The following LACTB2 variants were observed in gnomAD, a reference collection of about 807,000 sequenced individuals.
The protein encoded by LACTB2 is endoribonuclease LACTB2.
Under a neutral mutation model 34.8 loss-of-function variants are expected in LACTB2, and 32 were observed. That is an observed-to-expected ratio of 0.92 (90% CI 0.69 to 1.24). LACTB2 has a LOEUF of 1.24. LACTB2 is among the 50% of genes most tolerant of loss of function. LACTB2 has a pLI of 0.00. For synonymous variants in LACTB2, 120 were observed against 117.5 expected (o/e 1.02, Z -0.14); for missense variants, 320 against 345.0 (o/e 0.93, Z 0.57).
At chr8:70,660,241 A>G (rs1488363364) in intron 2 of LACTB2, 1 of 258,798 alleles carries the variant, frequency 3.9e-6, no homozygotes. Context: ...AGCACACACC[A>G]CCGTCCCTGG....
chr8:70,644,549 G>GC (rs1314917667), intron 3 of LACTB2, among the ~76,000 whole-genome samples: 1 of 152,130 alleles, frequency 6.6e-6, no homozygotes, highest in African/African-American at 2.4e-5. Flanking sequence ...ACAGGTCACT[G>GC]CAGGCTCAAT....
chr8:70,659,205 T>C (rs1310980233), intron 2 of LACTB2, among the ~76,000 whole-genome samples: 1 of 152,012 alleles, frequency 6.6e-6, no homozygotes, highest in East Asian at 1.9e-4. Context: ...ATTTAAACTT[T>C]ACCACGTGTA....
chr8:70,660,351 T>C, intron 2 of LACTB2: 1 of 304,704 alleles, frequency 3.3e-6, no homozygotes, highest in Non-Finnish European at 6.4e-6. Flanking sequence ...AAAGTCAGAC[T>C]GACAGATTAT....
intron 1 of LACTB2, among the ~76,000 whole-genome samples, chr8:70,665,028 T>C (rs1031559750): frequency 1.3e-5 from 2 of 152,162 alleles, no homozygotes; most frequent in Admixed American, 6.5e-5. Context: ...AGCTATACAT[T>C]TGAAAAAACT....
intron 3 of LACTB2, among the ~76,000 whole-genome samples, chr8:70,648,855 A>C (rs894638517): frequency 1.3e-5 from 2 of 152,114 alleles, no homozygotes; most frequent in Admixed American, 1.3e-4. Context: ...GGATCCTTTG[A>C]TGAGGCAGTG....
intron 2 of LACTB2, 81 bp downstream of exon 2, chr8:70,661,653 A>C (rs1818481859): frequency 8.1e-7 from 1 of 1,237,630 alleles, no homozygotes; most frequent in Non-Finnish European, 1.1e-6. Flanking sequence ...TGGTTTATAG[A>C]CTACTTAGCT....
intron 1 of LACTB2, among the ~76,000 whole-genome samples, chr8:70,667,204 A>T (rs1206583203): frequency 7.9e-5 from 12 of 152,348 alleles, no homozygotes; most frequent in Non-Finnish European, 1.3e-4. Flanking sequence ...TTGGCAAATT[A>T]AGGAGGGAGT....
chr8:70,646,424 G>A lies in LACTB2; in HGVS notation c.414-2181C>T, dbSNP rs183175504. On this transcript the variant is annotated intron_variant, in intron 3 of 6. Transcript: ENST00000276590. ...GACACTCTCAAAAGAAGACATTTAT[G>A]CAGCCAAAAGACACAAGAAAAAATG... 150 of 152,310 alleles carry A rather than the reference G, an allele frequency of 9.8e-4. 1 individual carries two copies. Among genetic ancestry groups the A allele is most frequent in the Middle Eastern group, 6.8e-3 (2 of 294 alleles). 9.4% of individuals were successfully genotyped at this position (152,310 alleles called of 1,614,324 possible). A position where few individuals can be genotyped will look rare whatever the true frequency, so the allele number is the denominator to read the frequency against.
At chr8:70,645,475 G>A (rs115990313) in intron 3 of LACTB2, among the ~76,000 whole-genome samples, 1,585 of 151,964 alleles carry the variant, frequency 0.01, 27 homozygotes, top group African/African-American at 0.036. Context: ...ACATGCAGAA[G>A]GTGGTCAGAA....
At chr8:70,646,758 T>G (rs1818268837) in intron 3 of LACTB2, 1 of 152,240 alleles carries the variant, frequency 6.6e-6, no homozygotes, top group Non-Finnish European at 1.5e-5. Context: ...AATAATCTGT[T>G]CTGCAAAGCA....
intron 5 of LACTB2, among the ~76,000 whole-genome samples, chr8:70,639,550 T>G (rs942988802): frequency 1.3e-5 from 2 of 152,400 alleles, no homozygotes; most frequent in Admixed American, 1.3e-4. Context: ...TATGAATGAA[T>G]AAATGTAAAA....
intron 3 of LACTB2, among the ~76,000 whole-genome samples, chr8:70,650,401 T>C (rs748582258): frequency 1.3e-5 from 2 of 151,928 alleles, no homozygotes; most frequent in Non-Finnish European, 2.9e-5. Flanking sequence ...CTACCAAACA[T>C]TTAAAGGTCA....
intron 3 of LACTB2, among the ~76,000 whole-genome samples, chr8:70,656,454 T>C (rs1818412925): frequency 6.6e-6 from 1 of 152,188 alleles, no homozygotes; most frequent in African/African-American, 2.4e-5. Flanking sequence ...TTCCCCACTT[T>C]ATGGTTTTGT....
At position 70,658,255 on chromosome 8, in the gene LACTB2, A is replaced by G. The variant is rs565889584; in HGVS notation, c.287-373T>C. Among the ~76,000 whole-genome samples, 10 of 152,348 alleles carry G rather than the reference A, an allele frequency of 6.6e-5. No individual in the cohort carries two copies. In the South Asian group the frequency reaches 2.1e-3, roughly 32 times the overall value. The stretch of plus-strand genomic sequence containing the variant: ...GTGCCTAACATGTAGCAAAGGTGTC[A>G]TGACAGTAATTAATAACAAAAGGAT... On this transcript the variant is annotated intron_variant, in intron 2 of 6. Transcript: ENST00000276590.
chr8:70,638,498 A>G (rs1357787888), intron 6 of LACTB2, 50 bp downstream of exon 6: 2 of 1,490,566 alleles, frequency 1.3e-6, no homozygotes, highest in Admixed American at 2.5e-5. Context: ...AGGCATCTGT[A>G]AAAATATTTT....
chr8:70,645,491 CTCT>C (rs1818252366), intron 3 of LACTB2, among the ~76,000 whole-genome samples: 1 of 151,446 alleles, frequency 6.6e-6, no homozygotes, highest in African/African-American at 2.4e-5. Flanking sequence ...CAGAAAAAGA[CTCT>C]TTTTTTTTTT....
intron 1 of LACTB2, among the ~76,000 whole-genome samples, chr8:70,663,846 T>C (rs1818508820): frequency 6.6e-6 from 1 of 152,218 alleles, no homozygotes; most frequent in South Asian, 2.1e-4. Flanking sequence ...TATTTTTTTA[T>C]TGCCTATTTC....
chr8:70,650,189 T>C (rs1238966701), intron 3 of LACTB2, among the ~76,000 whole-genome samples: 1 of 152,106 alleles, frequency 6.6e-6, no homozygotes, highest in African/African-American at 2.4e-5. Flanking sequence ...GATTATAGTT[T>C]AATTTAGAAT....
rs770497259 is a variant in LACTB2, at chr8:70,641,014, A to T, written c.629T>A (p.Ile210Asn). 1 of 1,605,108 alleles carries T rather than the reference A, an allele frequency of 6.2e-7. No homozygotes were observed. Among genetic ancestry groups the T allele is most frequent in the African/African-American group, 1.3e-5 (1 of 74,466 alleles). ...GPVIHNAEAK[I>N]QQYISHRNIR... ...ATTTCTGTGAGAAATGTATTGTTGA[A>T]TTTTAGCTTCAGCATTATGAATTAC... is the stretch of plus-strand genomic sequence containing the variant. Residue 210 changes from isoleucine to asparagine, a missense_variant, in exon 5 of 7, where the codon ATT becomes AAT. Ile to Asn is a moderately radical substitution (Grantham distance 149, BLOSUM62 -3). Transcript: ENST00000276590.
Sources: gnomAD v4.1 joint callset for allele counts (sites outside exome capture counted in the v4.1 genomes callset) on GRCh38, gnomAD v4.1.1 for gene constraint, MANE v1.5 for transcripts, NCBI Gene and HGNC (gene_info 2026-07-23, HGNC 2026-07-21) for gene names.